Variants in CCSER1 observed in about 807,000 individuals in gnomAD.
The protein encoded by CCSER1 is serine-rich coiled-coil domain-containing protein 1.
In CCSER1, 41 loss-of-function variants were observed where a neutral mutation model predicts 82.0. The observed-to-expected ratio is 0.50, with a 90% confidence interval of 0.39 to 0.65. The LOEUF (loss-of-function observed/expected upper bound fraction) is 0.65. Among genes scored for constraint, CCSER1 ranks in the 30% least tolerant of loss-of-function variants. The pLI is 0.00. For synonymous variants in CCSER1, 414 were observed against 383.9 expected (o/e 1.08, Z -0.92); for missense variants, 1,119 against 1,064.2 (o/e 1.05, Z -0.72).
At chr4:90,297,725 G>T (rs1732253109) in intron 1 of CCSER1, among the ~76,000 whole-genome samples, 1 of 151,938 alleles carries the variant, frequency 6.6e-6, no homozygotes, top group Non-Finnish European at 1.5e-5. Flanking sequence ...TTTTGTCAAA[G>T]GCCTTTTCTG....
At chr4:90,652,659 T>C (rs539964541) in intron 6 of CCSER1, among the ~76,000 whole-genome samples, 2 of 152,302 alleles carry the variant, frequency 1.3e-5, no homozygotes, top group African/African-American at 4.8e-5. Flanking sequence ...AGATCATACC[T>C]CAGTGGACCT....
intron 4 of CCSER1, among the ~76,000 whole-genome samples, chr4:90,413,391 T>G (rs1437773954): frequency 2.0e-5 from 3 of 152,050 alleles, no homozygotes; most frequent in Non-Finnish European, 2.9e-5. Flanking sequence ...AATCTACAAA[T>G]TCAGTGCAAT....
At chr4:91,400,980 G>C (rs1408382446) in intron 10 of CCSER1, among the ~76,000 whole-genome samples, 1 of 151,780 alleles carries the variant, frequency 6.6e-6, no homozygotes, top group East Asian at 1.9e-4. Flanking sequence ...AATAAACCCA[G>C]TTCAAAGTTA....
chr4:90,209,573 G>T (rs1315422031), intron 1 of CCSER1, among the ~76,000 whole-genome samples: 3 of 152,194 alleles, frequency 2.0e-5, no homozygotes, highest in South Asian at 2.1e-4. Context: ...GATTTCTCAT[G>T]ATCTAATCAG....
chr4:90,645,422 C>G (rs1171223936), intron 6 of CCSER1, among the ~76,000 whole-genome samples: 1 of 152,146 alleles, frequency 6.6e-6, no homozygotes, highest in African/African-American at 2.4e-5. Flanking sequence ...TTTAATTCAT[C>G]TATATCTTCT....
chr4:90,718,691 T>C (rs1742125264), intron 6 of CCSER1, among the ~76,000 whole-genome samples: 1 of 152,158 alleles, frequency 6.6e-6, no homozygotes, highest in African/African-American at 2.4e-5. Context: ...TTAAAAGCTC[T>C]GATAAAAACT....
At chr4:90,268,925 A>G (rs1725744778) in intron 1 of CCSER1, among the ~76,000 whole-genome samples, 1 of 152,194 alleles carries the variant, frequency 6.6e-6, no homozygotes, top group South Asian at 2.1e-4. Flanking sequence ...ATAGATTTCT[A>G]AACAAAGACT....
chr4:90,788,763 A>G (rs192749147), intron 7 of CCSER1, among the ~76,000 whole-genome samples: 188 of 152,298 alleles, frequency 1.2e-3, no homozygotes, highest in African/African-American at 4.1e-3. Context: ...TTAACAATCA[A>G]TTACATAGTT....
intron 10 of CCSER1, among the ~76,000 whole-genome samples, chr4:91,471,155 T>A (rs1757253262): frequency 6.6e-6 from 1 of 152,170 alleles, no homozygotes; most frequent in Non-Finnish European, 1.5e-5. Flanking sequence ...TCAGAGATAA[T>A]CATGCATCTA....
At chr4:90,129,282 T>G (rs1722414406) in intron 1 of CCSER1, among the ~76,000 whole-genome samples, 1 of 152,214 alleles carries the variant, frequency 6.6e-6, no homozygotes, top group African/African-American at 2.4e-5. Flanking sequence ...AACTGGTTAT[T>G]AAGGGAAGAC....
rs1471632144 is a variant in CCSER1 at position 91,557,168 on chromosome 4, A to G, written c.2218-41404A>G. Among the ~76,000 whole-genome samples, 3 of 151,596 alleles carry G rather than the reference A, an allele frequency of 2.0e-5. No homozygotes were observed. The East Asian group carries it at 5.8e-4, about 29-fold the overall frequency. ...CAACTCTTAAGAATATTGTTCAAGG[A>G]TACATCAGAGCTCCTGCATGTTGTG... On this transcript the variant is annotated intron_variant, in intron 10 of 10. Transcript: ENST00000509176.
intron 9 of CCSER1, among the ~76,000 whole-genome samples, chr4:91,020,619 G>A (rs755088503): frequency 2.6e-5 from 4 of 151,594 alleles, no homozygotes; most frequent in South Asian, 2.1e-4. Flanking sequence ...CCGAGATCGC[G>A]CCACTGCACT....
chr4:91,310,278 C>T (rs1745376549), intron 10 of CCSER1, among the ~76,000 whole-genome samples: 1 of 151,644 alleles, frequency 6.6e-6, no homozygotes, highest in Non-Finnish European at 1.5e-5. Context: ...TTATTCCCTG[C>T]CCTGCTGTGC....
chr4:90,412,784 A>G (rs1011976008), intron 4 of CCSER1, among the ~76,000 whole-genome samples: 3 of 152,184 alleles, frequency 2.0e-5, no homozygotes, highest in Non-Finnish European at 4.4e-5. Flanking sequence ...TCTATGACAG[A>G]CCCACAGACA....
At chr4:90,652,983 C>T (rs1729046811) in intron 6 of CCSER1, among the ~76,000 whole-genome samples, 1 of 151,980 alleles carries the variant, frequency 6.6e-6, no homozygotes, top group African/African-American at 2.4e-5. Context: ...ATTAATATGC[C>T]TCATGCCTGT....
At chr4:90,651,714 A>G (rs1404473193) in intron 6 of CCSER1, among the ~76,000 whole-genome samples, 1 of 152,172 alleles carries the variant, frequency 6.6e-6, no homozygotes, top group Non-Finnish European at 1.5e-5. Flanking sequence ...TGTAAAGCAA[A>G]TAACTTGGAA....
chr4:90,691,180 A>C (rs1204014212), intron 6 of CCSER1, among the ~76,000 whole-genome samples: 15 of 152,030 alleles, frequency 9.9e-5, no homozygotes, highest in Admixed American at 8.5e-4. Flanking sequence ...ATAAGGTAGA[A>C]ACACAACTCT....
At chr4:91,467,109 T>C (rs1756957070) in intron 10 of CCSER1, among the ~76,000 whole-genome samples, 1 of 152,078 alleles carries the variant, frequency 6.6e-6, no homozygotes, top group South Asian at 2.1e-4. Context: ...CAAACTATAC[T>C]ACAAGGCTAC....
At chr4:90,671,728 G>A (rs1165632365) in intron 6 of CCSER1, among the ~76,000 whole-genome samples, 2 of 151,938 alleles carry the variant, frequency 1.3e-5, no homozygotes, top group African/African-American at 4.8e-5. Flanking sequence ...TTTCCAGAAG[G>A]TTTTTAATTT....
Sources: allele counts gnomAD v4.1 joint callset (sites outside exome capture counted in the v4.1 genomes callset), GRCh38; gene constraint gnomAD v4.1.1; transcripts MANE v1.5; gene names NCBI Gene and HGNC (gene_info 2026-07-23, HGNC 2026-07-21).